Variants in FANCC observed in about 807,000 individuals in gnomAD.
FANCC encodes Fanconi anemia group C protein.
FANCC carries 55 observed loss-of-function variants against 71.3 expected under a neutral mutation model. That is an observed-to-expected ratio of 0.77 (90% CI 0.62 to 0.97). The LOEUF (loss-of-function observed/expected upper bound fraction) is 0.97. FANCC is among the 50% of genes least tolerant of loss of function. FANCC has a pLI of 0.00. For missense variants in FANCC, 678 were observed against 670.9 expected, an observed-to-expected ratio of 1.01 and a Z score of -0.12; for synonymous variants, 275 against 244.9, an observed-to-expected ratio of 1.12 and a Z score of -1.15.
chr9:95,163,072 T>C (rs568282642), intron 6 of FANCC, among the ~76,000 whole-genome samples: 47 of 152,248 alleles, frequency 3.1e-4, no homozygotes, highest in Non-Finnish European at 6.0e-4. Context: ...TTTCAGGTCT[T>C]ACGTTTAGGT....
chr9:95,234,420 T>C (rs1316227945), intron 4 of FANCC, among the ~76,000 whole-genome samples: 1 of 152,182 alleles, frequency 6.6e-6, no homozygotes, highest in Non-Finnish European at 1.5e-5. Context: ...AACTGACTAA[T>C]CACAATGCCA....
rs190972053 is a variant in FANCC at position 95,301,896 on chromosome 9, T to C, written c.-79+15630A>G. Among the ~76,000 whole-genome samples, 405 of 137,486 alleles carry C rather than the reference T, an allele frequency of 2.9e-3. 5 individuals carry two copies. Among genetic ancestry groups the C allele is most frequent in the Admixed American group, 0.026 (354 of 13,468 alleles). 90.2% of individuals were successfully genotyped at this position (137,486 alleles called of 152,430 possible). A position where few individuals can be genotyped will look rare whatever the true frequency, so the allele number is the denominator to read the frequency against. ...ATCCAGACCATCCTGGCTAACACGG[T>C]GAAACCCCATCTCCACTAAAAAAAA... On this transcript the variant is annotated intron_variant, in intron 1 of 14. Coordinates refer to ENST00000289081, the MANE Select transcript of FANCC (RefSeq NM_000136.3).
At chr9:95,268,032 C>T (rs964973889) in intron 1 of FANCC, among the ~76,000 whole-genome samples, 4 of 152,186 alleles carry the variant, frequency 2.6e-5, no homozygotes, top group Non-Finnish European at 5.9e-5. Flanking sequence ...GGTAGCCTTT[C>T]GACATCACAG....
chr9:95,265,805 C>G (rs923213084), intron 1 of FANCC, among the ~76,000 whole-genome samples: 2 of 152,152 alleles, frequency 1.3e-5, no homozygotes, highest in Non-Finnish European at 2.9e-5. Context: ...TATTTTATGA[C>G]AAGAGCTCTG....
intron 6 of FANCC, among the ~76,000 whole-genome samples, chr9:95,151,105 C>G (rs933644770): frequency 2.0e-5 from 3 of 152,184 alleles, no homozygotes; most frequent in Non-Finnish European, 2.9e-5. Context: ...ACTGGACACT[C>G]GAGCTTCAAG....
rs761336987 is a variant in FANCC, at chr9:95,114,701, C to A, written c.1082G>T (p.Arg361Leu). 1 of 1,614,054 alleles carries A rather than the reference C, an allele frequency of 6.2e-7. No homozygotes were observed. ...CTTCAGTGTCTGGAGCCAGTGTCCC[C>A]GAGGGATATCTGCGGGTGGAGAGAG... The part of the protein sequence containing the change: ...VLLQDPQDIP[R>L]GHWLQTLKHI... Residue 361 changes from arginine to leucine, a missense_variant, in exon 12 of 15, where the codon CGG (arginine) becomes CTG (leucine). Physicochemically the swap from Arg to Leu is moderately radical, Grantham distance 102. Transcript: ENST00000289081.
chr9:95,255,732 G>A (rs914706031), intron 1 of FANCC, among the ~76,000 whole-genome samples: 1 of 152,046 alleles, frequency 6.6e-6, no homozygotes, highest in South Asian at 2.1e-4. Flanking sequence ...TTCAGAAGGT[G>A]GGTAATAACA....
Position 95,137,578 on chromosome 9 carries a change from G to T in FANCC, c.687-2076C>A, listed in dbSNP as rs796998639. Among the ~76,000 whole-genome samples the T allele has an allele frequency of 2.0e-5, 3 of 152,176 alleles. No individual in the cohort carries two copies. The South Asian group carries it at 6.2e-4, about 31-fold the overall frequency. ...CTCAGATGAAAAGAAGAGAAGAAAT[G>T]ATTTCTGGAGGATTTACTAAGAGAT... On this transcript the variant is annotated intron_variant, in intron 7 of 14. Coordinates refer to ENST00000289081, the MANE Select transcript of FANCC (RefSeq NM_000136.3).
chr9:95,117,286 T>C (rs2072497992), intron 11 of FANCC, 29 bp downstream of exon 11: 3 of 1,603,288 alleles, frequency 1.9e-6, no homozygotes, highest in Non-Finnish European at 2.6e-6. Flanking sequence ...GAAATCATTC[T>C]GATGTGGGCA....
At position 95,114,581 on chromosome 9, in the gene FANCC, G is replaced by C. The variant is rs200045587; in HGVS notation, c.1154+48C>G. ...TGCTCAAAGGGCAGATGAGGATCTA[G>C]GGAAACCATGTGTGAAGTAGATTTG... On this transcript the variant is annotated intron_variant, in intron 12 of 14. Transcript: ENST00000289081. The C allele has an allele frequency of 3.9e-6, 6 of 1,527,774 alleles. No individual in the cohort carries two copies. The Admixed American group carries it at 1.0e-4, about 25-fold the overall frequency. 94.6% of individuals were successfully genotyped at this position (1,527,774 alleles called of 1,614,324 possible). A position where few individuals can be genotyped will look rare whatever the true frequency, so the allele number is the denominator to read the frequency against.
chr9:95,241,291 T>C (rs1328709613), intron 3 of FANCC, among the ~76,000 whole-genome samples: 2 of 152,254 alleles, frequency 1.3e-5, no homozygotes, highest in East Asian at 1.9e-4. Flanking sequence ...TTTTAAAATA[T>C]ATTTCTAGTA....
At chr9:95,229,770 T>TAC (rs3030656) in intron 4 of FANCC, among the ~76,000 whole-genome samples, 3,261 of 148,384 alleles carry the variant, frequency 0.022, 111 homozygotes, top group African/African-American at 0.073. Flanking sequence ...TGCACACATG[T>TAC]ACACACACAC....
chr9:95,260,113 C>A (rs1163555358), intron 1 of FANCC, among the ~76,000 whole-genome samples: 1 of 152,242 alleles, frequency 6.6e-6, no homozygotes, highest in African/African-American at 2.4e-5. Context: ...TTACTTCAAT[C>A]ATTGTGGAAG....
chr9:95,235,326 T>C (rs1830247370), intron 4 of FANCC, among the ~76,000 whole-genome samples: 1 of 152,168 alleles, frequency 6.6e-6, no homozygotes. Flanking sequence ...CAAAGGAACC[T>C]GATGCATGAC....
rs560954419 is a variant in FANCC at position 95,310,667 on chromosome 9, A to G, written c.-79+6859T>C. 3.3e-5 allele frequency among the ~76,000 whole-genome samples: 5 copies of G among 152,198 alleles called. No homozygotes were observed. In the South Asian group the frequency reaches 1.0e-3, roughly 32 times the overall value. ...TCAATAAAACACACTCCTTAAACCAATAAAAGTCCACCCCCAGGAGCTAGA... is the reference window on the plus strand; with the variant it reads ...TCAATAAAACACACTCCTTAAACCAGTAAAAGTCCACCCCCAGGAGCTAGA... On this transcript the variant is annotated intron_variant, in intron 1 of 14. Coordinates refer to ENST00000289081, the MANE Select transcript of FANCC (RefSeq NM_000136.3).
intron 4 of FANCC, among the ~76,000 whole-genome samples, chr9:95,177,139 T>C (rs1176417242): frequency 6.6e-6 from 1 of 152,228 alleles, no homozygotes; most frequent in Non-Finnish European, 1.5e-5. Flanking sequence ...AGAGTGTACT[T>C]ACATGAACCC....
At chr9:95,116,961 G>A (rs1041879999) in intron 11 of FANCC, among the ~76,000 whole-genome samples, 6 of 152,172 alleles carry the variant, frequency 3.9e-5, no homozygotes, top group Admixed American at 2.0e-4. Context: ...AAAAGCAAAC[G>A]AATGTACTGT....
At chr9:95,254,523 C>A (rs996157779) in intron 1 of FANCC, among the ~76,000 whole-genome samples, 1 of 152,204 alleles carries the variant, frequency 6.6e-6, no homozygotes, top group Non-Finnish European at 1.5e-5. Context: ...AGGGACTGTG[C>A]CGTGAGGAAT....
intron 1 of FANCC, among the ~76,000 whole-genome samples, chr9:95,290,258 G>A (rs986161661): frequency 6.6e-6 from 1 of 152,146 alleles, no homozygotes; most frequent in Admixed American, 6.5e-5. Flanking sequence ...GGGGACCTGA[G>A]AAACAATACT....
Sources: gnomAD v4.1 joint callset for allele counts (sites outside exome capture counted in the v4.1 genomes callset) on GRCh38, gnomAD v4.1.1 for gene constraint, MANE v1.5 for transcripts, NCBI Gene and HGNC (gene_info 2026-07-23, HGNC 2026-07-21) for gene names.